Variants in GLYATL1 observed in about 807,000 individuals in gnomAD.
GLYATL1 encodes the protein glycine N-acyltransferase-like protein 1.
In GLYATL1, 15 loss-of-function variants were observed where a neutral mutation model predicts 20.0. The observed-to-expected ratio is 0.75, with a 90% CI of 0.50 to 1.15. The LOEUF is 1.15. Among genes scored for constraint, GLYATL1 ranks in the 50% most tolerant of loss-of-function variants. The pLI, the probability that GLYATL1 is intolerant of heterozygous loss-of-function variation, is 0.00. For synonymous variants in GLYATL1, 151 were observed against 131.5 expected (o/e 1.15, Z -1.01); for missense variants, 380 against 368.5 (o/e 1.03, Z -0.26).
At chr11:58,937,508 G>A (rs1376813393), upstream of GLYATL1, among the ~76,000 whole-genome samples, 1 of 152,164 alleles carries the variant, frequency 6.6e-6, no homozygotes, top group Non-Finnish European at 1.5e-5. Context: ...AATCAGAAAA[G>A]TACTAGTACA....
At chr11:58,917,045 G>A (rs994001822) in intron 1 of GLYATL1, 5 of 152,242 alleles carry the variant, frequency 3.3e-5, no homozygotes, top group African/African-American at 9.7e-5. Flanking sequence ...GCAGTGGAAA[G>A]TGGGAATTGG....
At chr11:58,930,844 C>T (rs73483063) in intron 1 of GLYATL1, among the ~76,000 whole-genome samples, 3,487 of 152,158 alleles carry the variant, frequency 0.023, 114 homozygotes, top group African/African-American at 0.079. Context: ...GACAGACTCA[C>T]GAATTATAAG....
At chr11:58,938,698 G>T (rs894489242), upstream of GLYATL1, among the ~76,000 whole-genome samples, 5 of 152,188 alleles carry the variant, frequency 3.3e-5, no homozygotes, top group Non-Finnish European at 7.3e-5. Context: ...GAGTCCTAGA[G>T]AGTAACCACT....
At chr11:58,931,816 A>G (rs1013886235) in intron 1 of GLYATL1, among the ~76,000 whole-genome samples, 1 of 152,206 alleles carries the variant, frequency 6.6e-6, no homozygotes, top group African/African-American at 2.4e-5. Context: ...AATTACTTCT[A>G]GAATTAATAC....
At chr11:58,920,073 T>A (rs1295508545) in intron 1 of GLYATL1, among the ~76,000 whole-genome samples, 1 of 152,162 alleles carries the variant, frequency 6.6e-6, no homozygotes, top group African/African-American at 2.4e-5. Flanking sequence ...TAGCTAAGGC[T>A]TTCTCTCTAG....
chr11:58,924,698 GA>G (rs1855386779), upstream of GLYATL1, among the ~76,000 whole-genome samples: 1 of 152,156 alleles, frequency 6.6e-6, no homozygotes, highest in Non-Finnish European at 1.5e-5. Flanking sequence ...AATAATACAA[GA>G]CAATTATGAG....
rs758799289 is a variant in GLYATL1, at chr11:58,943,544, T to C, written c.-165T>C. 1 of 1,610,458 alleles carries C rather than the reference T, an allele frequency of 6.2e-7. No homozygotes were observed. Among genetic ancestry groups the C allele is most frequent in the Non-Finnish European group, 8.5e-7 (1 of 1,178,444 alleles). ...CAGCTGAAGTTTTTCTTTTATCAGATGGTGTCACAAGAAGGATCTGAAGTG... is the reference window on the plus strand; with the variant it reads ...CAGCTGAAGTTTTTCTTTTATCAGACGGTGTCACAAGAAGGATCTGAAGTG... On this transcript the variant is annotated splice_region_variant and 5_prime_UTR_variant, in exon 2 of 7. The change abolishes an upstream ATG in the 5' untranslated region. Transcript: ENST00000532726.
At chr11:58,934,595 G>A (rs573847410), upstream of GLYATL1, 3 of 152,516 alleles carry the variant, frequency 2.0e-5, no homozygotes, top group East Asian at 3.9e-4. Context: ...AGGGCTGTAG[G>A]AACTGGACTG....
chr11:58,929,710 T>C (rs1354651290), intron 1 of GLYATL1, among the ~76,000 whole-genome samples: 1 of 152,210 alleles, frequency 6.6e-6, no homozygotes, highest in African/African-American at 2.4e-5. Context: ...CCTAGGTAAT[T>C]TCCTCACATG....
At chr11:58,955,427 G>C (rs1857327742) in intron 6 of GLYATL1, 74 bp downstream of exon 6, 1 of 1,448,634 alleles carries the variant, frequency 6.9e-7, no homozygotes, top group African/African-American at 1.4e-5. Flanking sequence ...AATCAGTTTT[G>C]GAATGAAGAG....
In GLYATL1 at chr11:58,946,383, G is replaced by T. The variant is rs76499048; in HGVS notation, c.-42-663G>T. On this transcript the variant is annotated intron_variant, in intron 2 of 6. Transcript: ENST00000532726. Reference sequence around the variant, plus strand: ...GAAGTATGAGATGGAACTAAAATTTGAAATCAGCCTAAGCTTTGAACCTAT... The same window carrying T: ...GAAGTATGAGATGGAACTAAAATTTTAAATCAGCCTAAGCTTTGAACCTAT... Among the ~76,000 whole-genome samples, 586 of 152,306 alleles carry T rather than the reference G, an allele frequency of 3.8e-3. 6 individuals carry two copies. The highest frequency in any genetic ancestry group is 0.013 in the African/African-American group (552 of 41,574).
chr11:58,923,563 T>C (rs557022135), upstream of GLYATL1, among the ~76,000 whole-genome samples: 4 of 152,316 alleles, frequency 2.6e-5, no homozygotes, highest in Admixed American at 2.6e-4. Flanking sequence ...TCTGATCCTT[T>C]TGTTACTTGA....
At chr11:58,950,481 T>C (rs957328035) in intron 4 of GLYATL1, among the ~76,000 whole-genome samples, 1 of 152,202 alleles carries the variant, frequency 6.6e-6, no homozygotes, top group South Asian at 2.1e-4. Flanking sequence ...TCTCCTGCTG[T>C]TGGGTTCAAA....
Position 58,956,079 on chromosome 11 carries a change from A to C in GLYATL1, c.*52A>C. The C allele has an allele frequency of 8.8e-6, 13 of 1,470,156 alleles. No homozygotes were observed. Among genetic ancestry groups the C allele is most frequent in the Non-Finnish European group, 1.2e-5 (13 of 1,066,214 alleles). 91.1% of individuals were successfully genotyped at this position (1,470,156 alleles called of 1,614,324 possible). A position where few individuals can be genotyped will look rare whatever the true frequency, so the allele number is the denominator to read the frequency against. On this transcript the variant is annotated 3_prime_UTR_variant, in exon 7 of 7. Coordinates refer to ENST00000532726, the MANE Select transcript of GLYATL1 (RefSeq NM_001389712.2). ...CCAAGCCATCTCTTAATATTAAAGC[A>C]GACACCACAGAATAGATTTCTTCAC...
At chr11:58,917,994 TC>T (rs1179880761) in intron 1 of GLYATL1, among the ~76,000 whole-genome samples, 2 of 152,094 alleles carry the variant, frequency 1.3e-5, no homozygotes, top group Non-Finnish European at 2.9e-5. Context: ...CTGCCTCATT[TC>T]CCCCCTTTGA....
At chr11:58,924,215 C>T (rs1855372311), upstream of GLYATL1, among the ~76,000 whole-genome samples, 1 of 152,230 alleles carries the variant, frequency 6.6e-6, no homozygotes, top group South Asian at 2.1e-4. Context: ...GGATAATTAA[C>T]ATGGTTGATT....
At chr11:58,946,501 T>C (rs1053292204) in intron 2 of GLYATL1, among the ~76,000 whole-genome samples, 3 of 152,226 alleles carry the variant, frequency 2.0e-5, no homozygotes, top group Admixed American at 6.5e-5. Context: ...TTTACAGATA[T>C]GTGTTAAAAT....
chr11:58,938,264 G>C (rs1232172632), upstream of GLYATL1, among the ~76,000 whole-genome samples: 1 of 152,094 alleles, frequency 6.6e-6, no homozygotes, highest in Admixed American at 6.5e-5. Flanking sequence ...CTCAAATTTG[G>C]GAACTTTTTT....
At chr11:58,938,025 C>G (rs1038681688), upstream of GLYATL1, among the ~76,000 whole-genome samples, 3 of 152,224 alleles carry the variant, frequency 2.0e-5, no homozygotes, top group Non-Finnish European at 2.9e-5. Context: ...ATGAAGTACA[C>G]CAACACGTAA....
Sources: allele counts gnomAD v4.1 joint callset (sites outside exome capture counted in the v4.1 genomes callset), GRCh38; gene constraint gnomAD v4.1.1; transcripts MANE v1.5; gene names NCBI Gene and HGNC (gene_info 2026-07-23, HGNC 2026-07-21).